TUBA1C: variants seen among roughly 807,000 people sequenced by gnomAD.
TUBA1C encodes the protein tubulin alpha 1c.
A neutral mutation model predicts 34.9 loss-of-function variants in TUBA1C; 16 were observed. The observed-to-expected ratio is 0.46, with a 90% CI of 0.31 to 0.70. The LOEUF is 0.70. Among genes scored for constraint, TUBA1C ranks in the 30% least tolerant of loss-of-function variants. The pLI, the probability that TUBA1C is intolerant of heterozygous loss-of-function variation, is 0.05. For missense variants in TUBA1C, 329 were observed against 587.3 expected, an observed-to-expected ratio of 0.56 and a Z score of 4.55; for synonymous variants, 177 against 215.9, an observed-to-expected ratio of 0.82 and a Z score of 1.58.
rs564472519 is a variant in TUBA1C at position 49,269,629 on chromosome 12, G to A, written c.168G>A (p.Thr56=). The A allele has an allele frequency of 8.2e-5, 132 of 1,614,046 alleles. No individual in the cohort carries two copies. The highest frequency in any genetic ancestry group is 1.0e-4 in the Non-Finnish European group (119 of 1,180,038). ...CCTTCAACACCTTCTTCAGTGAAAC[G>A]GGTGCTGGCAAGCATGTGCCCCGGG... is the stretch of plus-strand genomic sequence containing the variant. ...DDSFNTFFSE[T]GAGKHVPRAV... The change falls in exon 2 of 4, where the codon ACG becomes ACA. Residue 56 remains threonine (T), a synonymous_variant. Transcript: ENST00000301072.
chr12:49,238,022 T>C (rs767096069), intron 1 of TUBA1C, among the ~76,000 whole-genome samples: 111 of 150,826 alleles, frequency 7.4e-4, no homozygotes, highest in Non-Finnish European at 2.7e-4. Flanking sequence ...GGCAGGAGAA[T>C]AGCTTGAACC....
chr12:49,266,733 C>G (rs1942919517), intron 1 of TUBA1C, among the ~76,000 whole-genome samples: 1 of 151,942 alleles, frequency 6.6e-6, no homozygotes, highest in East Asian at 1.9e-4. Flanking sequence ...CCTGTAGTCC[C>G]AGCTTCTCGG....
At chr12:49,237,460 G>A (rs1245341335) in intron 1 of TUBA1C, among the ~76,000 whole-genome samples, 1 of 151,184 alleles carries the variant, frequency 6.6e-6, no homozygotes, top group Non-Finnish European at 1.5e-5. Flanking sequence ...AATCTACCCT[G>A]GGCTGGATGT....
At chr12:49,263,015 G>T (rs568186098), upstream of TUBA1C, among the ~76,000 whole-genome samples, 112 of 145,052 alleles carry the variant, frequency 7.7e-4, no homozygotes, top group African/African-American at 2.8e-3. Flanking sequence ...AAGTACAAGA[G>T]AATTACTCTT....
At chr12:49,258,489 G>A (rs1478612117) in intron 1 of TUBA1C, among the ~76,000 whole-genome samples, 1 of 151,404 alleles carries the variant, frequency 6.6e-6, no homozygotes, top group Admixed American at 6.6e-5. Context: ...GTGAACTGGT[G>A]TGATCTGGGC....
chr12:49,266,261 TA>T (rs35928737), intron 1 of TUBA1C, among the ~76,000 whole-genome samples: 1,188 of 79,476 alleles, frequency 0.015, 5 homozygotes, highest in African/African-American at 0.032. Flanking sequence ...CCGTCTCTAC[TA>T]AAAAAAAAAA....
chr12:49,269,952 C>G lies in TUBA1C; in HGVS notation c.351C>G (p.Leu117=), dbSNP rs201347417. 2 of 1,614,088 alleles carry G rather than the reference C, an allele frequency of 1.2e-6. No homozygotes were observed. The highest frequency in any genetic ancestry group is 1.7e-6 in the Non-Finnish European group (2 of 1,180,052). ...CCATTGGCAAGGAGATCATTGACCTCGTGTTGGACCGAATTCGCAAGCTGG... is the reference window on the plus strand; with the variant it reads ...CCATTGGCAAGGAGATCATTGACCTGGTGTTGGACCGAATTCGCAAGCTGG... ...HYTIGKEIID[L]VLDRIRKLAD... is the part of the protein sequence containing the mutation. The change falls in exon 3 of 4, where the codon CTC becomes CTG. Residue 117 remains leucine (L), a synonymous_variant. Coordinates refer to ENST00000301072, the MANE Select transcript of TUBA1C (RefSeq NM_032704.5).
chr12:49,256,225 G>A (rs898606679), intron 1 of TUBA1C, among the ~76,000 whole-genome samples: 5 of 152,268 alleles, frequency 3.3e-5, no homozygotes, highest in African/African-American at 1.2e-4. Flanking sequence ...CAGCGAAACA[G>A]GCTGTGTAGC....
chr12:49,255,434 C>A (rs967590981), intron 1 of TUBA1C, among the ~76,000 whole-genome samples: 5 of 142,090 alleles, frequency 3.5e-5, no homozygotes, highest in African/African-American at 5.2e-5. Flanking sequence ...ATATATATTT[C>A]TCTGATAGAG....
upstream of TUBA1C, among the ~76,000 whole-genome samples, chr12:49,264,254 T>C (rs1942869854): frequency 6.6e-6 from 1 of 151,598 alleles, no homozygotes; most frequent in African/African-American, 2.4e-5. Context: ...TCTGCATAGT[T>C]AGCAATCAAA....
At chr12:49,231,717 C>CAGACAGATAGATAGAT (rs1411016546) in intron 1 of TUBA1C, among the ~76,000 whole-genome samples, 8 of 151,156 alleles carry the variant, frequency 5.3e-5, no homozygotes, top group African/African-American at 2.0e-4. Context: ...GACAGACAGA[C>CAGACAGATAGATAGAT]AGATAGATAG....
At chr12:49,239,029 GA>G (rs1942585641) in intron 1 of TUBA1C, among the ~76,000 whole-genome samples, 1 of 152,146 alleles carries the variant, frequency 6.6e-6, no homozygotes, top group African/African-American at 2.4e-5. Flanking sequence ...CCCCTCCCTG[GA>G]AGTTCCAGCC....
chr12:49,238,650 A>C (rs1942582118), intron 1 of TUBA1C, among the ~76,000 whole-genome samples: 1 of 152,130 alleles, frequency 6.6e-6, no homozygotes, highest in African/African-American at 2.4e-5. Flanking sequence ...AAAGATATTC[A>C]TTTTAAAATT....
upstream of TUBA1C, among the ~76,000 whole-genome samples, chr12:49,264,291 G>A (rs1043875790): frequency 6.6e-6 from 1 of 151,978 alleles, no homozygotes; most frequent in Admixed American, 6.6e-5. Context: ...TTATCCTAAT[G>A]AACTGAAAAA....
chr12:49,234,940 C>T (rs545972913), intron 1 of TUBA1C, among the ~76,000 whole-genome samples: 2 of 152,138 alleles, frequency 1.3e-5, no homozygotes, highest in South Asian at 4.1e-4. Flanking sequence ...GCCTCAGACT[C>T]CCGAGTATTT....
upstream of TUBA1C, among the ~76,000 whole-genome samples, chr12:49,264,154 A>T (rs962640249): frequency 1.9e-4 from 29 of 149,396 alleles, no homozygotes; most frequent in South Asian, 6.6e-4. Flanking sequence ...CGGGAGGCAG[A>T]GGTTGCAGTG....
At chr12:49,230,005 C>A (rs1346600690) in intron 1 of TUBA1C, among the ~76,000 whole-genome samples, 1 of 151,932 alleles carries the variant, frequency 6.6e-6, no homozygotes, top group Non-Finnish European at 1.5e-5. Flanking sequence ...CCAGGCAGGT[C>A]TCAAACTCCT....
At chr12:49,262,259 A>G (rs984270186), upstream of TUBA1C, among the ~76,000 whole-genome samples, 9 of 151,758 alleles carry the variant, frequency 5.9e-5, no homozygotes, top group African/African-American at 2.2e-4. Context: ...TACAAAAAAA[A>G]AAAAAAGATT....
At chr12:49,242,650 TTTG>T (rs939785287) in intron 1 of TUBA1C, among the ~76,000 whole-genome samples, 3 of 151,680 alleles carry the variant, frequency 2.0e-5, no homozygotes, top group Admixed American at 1.3e-4. Context: ...AGCTAATTTT[TTTG>T]TTGTTGTTGT....
Sources: gnomAD v4.1 joint callset for allele counts (sites outside exome capture counted in the v4.1 genomes callset) on GRCh38, gnomAD v4.1.1 for gene constraint, MANE v1.5 for transcripts, NCBI Gene and HGNC (gene_info 2026-07-23, HGNC 2026-07-21) for gene names.